RANBP9: variants seen among roughly 807,000 people sequenced by gnomAD.
RANBP9 encodes ran-binding protein 9.
A neutral mutation model predicts 84.3 loss-of-function variants in RANBP9; 15 were observed. That is an observed-to-expected ratio of 0.18 (90% CI 0.12 to 0.27). The LOEUF (loss-of-function observed/expected upper bound fraction) is 0.27, where lower values mean the gene tolerates loss of function less well. RANBP9 is among the 10% of genes least tolerant of loss of function. The pLI, the probability that RANBP9 is intolerant of heterozygous loss-of-function variation, is 1.00. For missense variants in RANBP9, 809 were observed against 912.8 expected (o/e 0.89, Z 1.46); for synonymous variants, 392 against 349.6 (o/e 1.12, Z -1.35).
At chr6:13,685,868 T>C (rs977021460) in intron 2 of RANBP9, among the ~76,000 whole-genome samples, 13 of 151,188 alleles carry the variant, frequency 8.6e-5, no homozygotes, top group South Asian at 2.1e-4. Context: ...GAAGCAGAGA[T>C]TGCAGTAAGC....
intron 2 of RANBP9, among the ~76,000 whole-genome samples, chr6:13,689,549 C>T (rs1022790276): frequency 2.0e-5 from 3 of 152,156 alleles, no homozygotes; most frequent in Admixed American, 6.5e-5. Context: ...GTTGGGATTA[C>T]AGGCATGAGC....
chr6:13,632,140 T>A, intron 12 of RANBP9, among the ~76,000 whole-genome samples: 1 of 53,926 alleles, frequency 1.9e-5, no homozygotes, highest in African/African-American at 9.9e-5. Context: ...TTTTTTTTTT[T>A]TTTTTTTTTT....
At chr6:13,696,542 A>T (rs1757831080) in intron 2 of RANBP9, among the ~76,000 whole-genome samples, 1 of 152,202 alleles carries the variant, frequency 6.6e-6, no homozygotes. Flanking sequence ...TCATTCCTTA[A>T]TTCCAAATTC....
chr6:13,633,184 G>A (rs1044506805), intron 11 of RANBP9, among the ~76,000 whole-genome samples: 10 of 152,018 alleles, frequency 6.6e-5, no homozygotes, highest in Non-Finnish European at 1.0e-4. Context: ...ACAGGCACGC[G>A]CCATCATGCC....
chr6:13,641,210 A>G lies in RANBP9; in HGVS notation c.1323T>C (p.Leu441=). ...TTATGCAAACTCACTTTAATGTGAAAAGGAGATTAGGATTTCTTTCAAGTA... is the reference window on the plus strand; with the variant it reads ...TTATGCAAACTCACTTTAATGTGAAGAGGAGATTAGGATTTCTTTCAAGTA... The part of the protein sequence containing the change: ...PSLLERNPNL[L]FTLKVRQFIE... The change falls in exon 8 of 14, where the codon CTT becomes CTC. Residue 441 remains leucine, a synonymous_variant. Transcript: ENST00000011619. 6.4e-7 allele frequency: 1 copy of G among 1,556,070 alleles called. No homozygotes were observed. Among genetic ancestry groups the G allele is most frequent in the Non-Finnish European group, 8.8e-7 (1 of 1,139,638 alleles).
intron 1 of RANBP9, among the ~76,000 whole-genome samples, chr6:13,700,640 C>A (rs183856185): frequency 1.3e-5 from 2 of 152,192 alleles, no homozygotes; most frequent in African/African-American, 4.8e-5. Flanking sequence ...TTAACACTCA[C>A]GTTTAATTAT....
At chr6:13,697,993 T>C (rs1472841544) in intron 1 of RANBP9, among the ~76,000 whole-genome samples, 1 of 152,212 alleles carries the variant, frequency 6.6e-6, no homozygotes, top group Non-Finnish European at 1.5e-5. Context: ...AGTCAAAAAT[T>C]GTATCTTAAG....
At position 13,709,504 on chromosome 6, in the gene RANBP9, T is replaced by C. The variant is rs1185567043; in HGVS notation, c.571+1431A>G. 1.3e-5 allele frequency among the ~76,000 whole-genome samples: 2 copies of C among 152,206 alleles called. 1 individual carries two copies. Among genetic ancestry groups the C allele is most frequent in the Middle Eastern group, 6.3e-3 (2 of 316 alleles). On this transcript the variant is annotated intron_variant, in intron 1 of 13. Transcript: ENST00000011619. ...GATCAGAAGTAAACACCTCATAACA[T>C]AGCACCGTTCACACAAATTAAAACA...
chr6:13,700,951 G>T (rs868743926), intron 1 of RANBP9, among the ~76,000 whole-genome samples: 2 of 152,116 alleles, frequency 1.3e-5, no homozygotes, highest in African/African-American at 4.8e-5. Context: ...TGGAAAACAT[G>T]GTTTTCCAGC....
At chr6:13,624,006 A>G (rs1001830418) in intron 13 of RANBP9, among the ~76,000 whole-genome samples, 1 of 152,220 alleles carries the variant, frequency 6.6e-6, no homozygotes, top group African/African-American at 2.4e-5. Context: ...CTTCAAAAAG[A>G]CATTTATAGT....
intron 1 of RANBP9, among the ~76,000 whole-genome samples, chr6:13,708,700 C>G (rs1758194111): frequency 6.6e-6 from 1 of 152,116 alleles, no homozygotes; most frequent in African/African-American, 2.4e-5. Flanking sequence ...AAAGTATTAT[C>G]TACTCTCTAT....
intron 1 of RANBP9, among the ~76,000 whole-genome samples, chr6:13,700,961 C>T (rs1435612180): frequency 6.6e-6 from 1 of 152,184 alleles, no homozygotes; most frequent in Non-Finnish European, 1.5e-5. Context: ...GGTTTTCCAG[C>T]CACGCATTCA....
intron 2 of RANBP9, among the ~76,000 whole-genome samples, chr6:13,694,258 G>C (rs1261804575): frequency 6.6e-6 from 1 of 152,208 alleles, no homozygotes; most frequent in Non-Finnish European, 1.5e-5. Context: ...ACTGGAAACT[G>C]AGAAGTTCTT....
chr6:13,660,545 G>C (rs1765518874), intron 2 of RANBP9, among the ~76,000 whole-genome samples: 1 of 151,980 alleles, frequency 6.6e-6, no homozygotes, highest in African/African-American at 2.4e-5. Flanking sequence ...AAAAAAGGAG[G>C]ACAACCTTTC....
intron 2 of RANBP9, among the ~76,000 whole-genome samples, chr6:13,674,423 T>C (rs1320706724): frequency 6.6e-6 from 1 of 152,136 alleles, no homozygotes; most frequent in East Asian, 1.9e-4. Flanking sequence ...AAAACAGGAA[T>C]AGTACATAAT....
At chr6:13,689,525 C>T (rs753577637) in intron 2 of RANBP9, among the ~76,000 whole-genome samples, 9 of 152,030 alleles carry the variant, frequency 5.9e-5, no homozygotes, top group Admixed American at 1.3e-4. Context: ...CCACCCGCTT[C>T]GGGCTCTCTA....
Position 13,642,594 on chromosome 6 carries a change from T to C in RANBP9, c.1113-3A>G. ...GGACTAAATAAGATGAAACCATTCT[T>C]AAAATAAAAAGAAGAAACATACATC... is the stretch of plus-strand genomic sequence containing the variant. On this transcript the variant is annotated splice_polypyrimidine_tract_variant and splice_region_variant and intron_variant, in intron 6 of 13. Transcript: ENST00000011619. The C allele has an allele frequency of 6.3e-7, 1 of 1,576,248 alleles. No homozygotes were observed. Among genetic ancestry groups the C allele is most frequent in the Non-Finnish European group, 8.7e-7 (1 of 1,151,656 alleles).
chr6:13,670,893 C>G (rs1003304914), intron 2 of RANBP9, among the ~76,000 whole-genome samples: 2 of 148,950 alleles, frequency 1.3e-5, no homozygotes, highest in African/African-American at 5.0e-5. Context: ...AACTAAAAGA[C>G]AATTCACAGA....
intron 2 of RANBP9, among the ~76,000 whole-genome samples, chr6:13,668,583 T>G (rs1212001858): frequency 6.6e-6 from 1 of 152,028 alleles, no homozygotes; most frequent in Non-Finnish European, 1.5e-5. Flanking sequence ...AATCAATCAA[T>G]GTAATATATT....
Sources: gnomAD v4.1 joint callset for allele counts (sites outside exome capture counted in the v4.1 genomes callset) on GRCh38, gnomAD v4.1.1 for gene constraint, MANE v1.5 for transcripts, NCBI Gene and HGNC (gene_info 2026-07-23, HGNC 2026-07-21) for gene names.